FHIT: variants seen among roughly 807,000 people sequenced by gnomAD.
The protein encoded by FHIT is fragile histidine triad diadenosine triphosphatase.
Under a neutral mutation model 17.9 loss-of-function variants are expected in FHIT, and 19 were observed. That is an observed-to-expected ratio of 1.06 (90% CI 0.74 to 1.56). The LOEUF is 1.56. Among genes scored for constraint, FHIT ranks in the 40% most tolerant of loss-of-function variants. The probability of loss-of-function intolerance (pLI) is 0.00; values close to 1 mark genes in which losing one functional copy is unlikely to be tolerated. For synonymous variants in FHIT, 81 were observed against 69.7 expected, an observed-to-expected ratio of 1.16 and a Z score of -0.81; for missense variants, 248 against 189.2, an observed-to-expected ratio of 1.31 and a Z score of -1.82.
At chr3:60,140,666 C>T (rs1304443152) in intron 5 of FHIT, among the ~76,000 whole-genome samples, 7 of 151,636 alleles carry the variant, frequency 4.6e-5, no homozygotes, top group Non-Finnish European at 7.4e-5. Flanking sequence ...GCAACCTCCA[C>T]CTCCCAGGTT....
At chr3:61,126,758 G>C (rs1005105161) in intron 2 of FHIT, among the ~76,000 whole-genome samples, 3 of 152,188 alleles carry the variant, frequency 2.0e-5, no homozygotes, top group Non-Finnish European at 4.4e-5. Flanking sequence ...AACAAAGCCC[G>C]GAAGGAGCGT....
chr3:60,551,228 G>A (rs531733038), intron 4 of FHIT, among the ~76,000 whole-genome samples: 2 of 151,724 alleles, frequency 1.3e-5, no homozygotes, highest in African/African-American at 2.4e-5. Context: ...AAGGTCTTGT[G>A]TGGCGTTTCA....
intron 5 of FHIT, among the ~76,000 whole-genome samples, chr3:60,033,264 G>C (rs1228885460): frequency 6.6e-6 from 1 of 152,174 alleles, no homozygotes; most frequent in Admixed American, 6.5e-5. Flanking sequence ...GAGAGGCTGA[G>C]GCGGGGGGAT....
chr3:60,395,994 C>G (rs1240142187), intron 5 of FHIT, among the ~76,000 whole-genome samples: 2 of 152,066 alleles, frequency 1.3e-5, no homozygotes, highest in African/African-American at 4.8e-5. Flanking sequence ...GCTACAAACA[C>G]CACATCACAG....
At chr3:60,378,538 G>C (rs75553221) in intron 5 of FHIT, among the ~76,000 whole-genome samples, 2,946 of 151,994 alleles carry the variant, frequency 0.019, 88 homozygotes, top group African/African-American at 0.067. Flanking sequence ...CCAATTCCTT[G>C]GTATTTCAAA....
rs1044696888 is a variant in FHIT at position 61,131,296 on chromosome 3, A to G, written c.-164+69321T>C. Among the ~76,000 whole-genome samples, 9 of 152,330 alleles carry G rather than the reference A, an allele frequency of 5.9e-5. No homozygotes were observed. The South Asian group carries it at 8.3e-4, about 14-fold the overall frequency. On this transcript the variant is annotated intron_variant, in intron 2 of 9. Transcript: ENST00000492590. ...TACTCTACCTTCCTATCTCTTAGCA[A>G]CTACTAATTTTCTGCTGCATTTTTA...
chr3:60,757,943 C>T (rs1219411884), intron 4 of FHIT, among the ~76,000 whole-genome samples: 3 of 152,188 alleles, frequency 2.0e-5, no homozygotes, highest in African/African-American at 7.2e-5. Context: ...TGCCCTCCAC[C>T]CTTTCCTCGC....
At chr3:60,369,654 T>A (rs554330768) in intron 5 of FHIT, among the ~76,000 whole-genome samples, 1 of 152,296 alleles carries the variant, frequency 6.6e-6, no homozygotes, top group East Asian at 1.9e-4. Flanking sequence ...AGATTGTGAT[T>A]CTCCTAAGGT....
chr3:60,107,319 C>T (rs940804479), intron 5 of FHIT, among the ~76,000 whole-genome samples: 1 of 151,430 alleles, frequency 6.6e-6, no homozygotes, highest in Non-Finnish European at 1.5e-5. Flanking sequence ...CTAGGGGAAA[C>T]AAAACTAAAA....
intron 5 of FHIT, among the ~76,000 whole-genome samples, chr3:60,428,330 G>A (rs562899320): frequency 2.6e-5 from 4 of 152,166 alleles, no homozygotes; most frequent in East Asian, 1.9e-4. Context: ...ATAACTGTTC[G>A]AATTATTACC....
At chr3:59,894,702 C>T (rs1449035091) in intron 8 of FHIT, among the ~76,000 whole-genome samples, 3 of 152,136 alleles carry the variant, frequency 2.0e-5, no homozygotes, top group Admixed American at 6.5e-5. Flanking sequence ...TTCAATGATT[C>T]ATATTTTCAG....
chr3:60,827,269 A>G (rs1702157869), intron 3 of FHIT, among the ~76,000 whole-genome samples: 1 of 152,180 alleles, frequency 6.6e-6, no homozygotes. Flanking sequence ...AAACAACCAA[A>G]CCTTCAAAGA....
At position 60,427,093 on chromosome 3, in the gene FHIT, A is replaced by C. The variant is rs74566216; in HGVS notation, c.103+109767T>G. Reference sequence around the variant, plus strand: ...CTGACCTATTCAGGTGAGCCATTTTAAGGGGCTGAGGCTTTTTTTTCTTCC... The same window carrying C: ...CTGACCTATTCAGGTGAGCCATTTTCAGGGGCTGAGGCTTTTTTTTCTTCC... On this transcript the variant is annotated intron_variant, in intron 5 of 9. Transcript: ENST00000492590. Among the ~76,000 whole-genome samples, 812 of 152,196 alleles carry C rather than the reference A, an allele frequency of 5.3e-3. 10 individuals are homozygous for C. The highest frequency in any genetic ancestry group is 0.019 in the African/African-American group (781 of 41,546).
chr3:60,984,018 A>C (rs1239283043), intron 3 of FHIT, among the ~76,000 whole-genome samples: 1 of 152,210 alleles, frequency 6.6e-6, no homozygotes, highest in Non-Finnish European at 1.5e-5. Context: ...AAAATCCACC[A>C]AAGGGAAGCC....
intron 5 of FHIT, among the ~76,000 whole-genome samples, chr3:60,116,590 C>T (rs970884261): frequency 5.3e-5 from 8 of 152,266 alleles, no homozygotes; most frequent in African/African-American, 1.9e-4. Context: ...CATTACAAGA[C>T]AGTATGAATT....
rs560882505 is a variant in FHIT, at chr3:60,758,606, G to A, written c.-18+63313C>T. Reference sequence around the variant, plus strand: ...GATTCAGAAAATAAAATAAGCATTAGTGGTCATCAGTATTTGATTTCAGGC... The same window carrying A: ...GATTCAGAAAATAAAATAAGCATTAATGGTCATCAGTATTTGATTTCAGGC... On this transcript the variant is annotated intron_variant, in intron 4 of 9. Coordinates refer to ENST00000492590, the MANE Select transcript of FHIT (RefSeq NM_002012.4). 2.6e-5 allele frequency among the ~76,000 whole-genome samples: 4 copies of A among 152,270 alleles called. No homozygotes were observed. The South Asian group carries it at 6.2e-4, about 24-fold the overall frequency.
Position 60,988,587 on chromosome 3 carries a change from G to A in FHIT, c.-111+53460C>T, listed in dbSNP as rs376975115. ...GCTGAGATTTTAAGGGCAAATGAGA[G>A]CTGACGAGCAGCACAGAAGGGGAAA... On this transcript the variant is annotated intron_variant, in intron 3 of 9. Coordinates refer to ENST00000492590, the MANE Select transcript of FHIT (RefSeq NM_002012.4). Among the ~76,000 whole-genome samples the A allele has an allele frequency of 7.9e-5, 12 of 152,300 alleles. No homozygotes were observed. The East Asian group carries it at 1.7e-3, about 22-fold the overall frequency.
At chr3:61,056,491 G>A (rs1172616394) in intron 2 of FHIT, among the ~76,000 whole-genome samples, 1 of 152,164 alleles carries the variant, frequency 6.6e-6, no homozygotes, top group Non-Finnish European at 1.5e-5. Flanking sequence ...TGAGTGCTCT[G>A]AAAAAACAGG....
intron 1 of FHIT, among the ~76,000 whole-genome samples, chr3:61,208,026 G>C (rs367919937): frequency 5.3e-5 from 8 of 151,992 alleles, no homozygotes; most frequent in African/African-American, 1.9e-4. Flanking sequence ...CTTTGTTCTC[G>C]TTGGTTTCAA....
Sources: allele counts gnomAD v4.1 joint callset (sites outside exome capture counted in the v4.1 genomes callset), GRCh38; gene constraint gnomAD v4.1.1; transcripts MANE v1.5; gene names NCBI Gene and HGNC (gene_info 2026-07-23, HGNC 2026-07-21).